RHPN2: variants seen among roughly 807,000 people sequenced by gnomAD.
RHPN2 encodes the protein rhophilin Rho GTPase binding protein 2.
Under a neutral mutation model 79.0 loss-of-function variants are expected in RHPN2, and 40 were observed. The ratio of observed to expected loss-of-function variants is 0.51; its 90% CI spans 0.39 to 0.66. The LOEUF (loss-of-function observed/expected upper bound fraction) is 0.66. Among genes scored for constraint, RHPN2 ranks in the 30% least tolerant of loss-of-function variants. The pLI is 0.00. For missense variants in RHPN2, 686 were observed against 883.5 expected (o/e 0.78, Z 2.83); for synonymous variants, 285 against 363.5 (o/e 0.78, Z 2.46).
rs74917489 is a variant in RHPN2 at position 33,044,399 on chromosome 19, G to A, written c.70-35C>T. 1.7e-3 allele frequency: 2,432 copies of A among 1,404,386 alleles called. 25 individuals are homozygous for A. In the East Asian group the frequency reaches 0.027, roughly 16 times the overall value. The allele number at this position is 1,404,386 out of a possible 1,614,324, so 87.0% of individuals were successfully genotyped here. Reference sequence around the variant, plus strand: ...AATAAGAGATGCCCCTTCAGAGGTCGGCCACTCTAAAAATGATGACAGGGT... The same window carrying A: ...AATAAGAGATGCCCCTTCAGAGGTCAGCCACTCTAAAAATGATGACAGGGT... On this transcript the variant is annotated intron_variant, in intron 1 of 14. Transcript: ENST00000254260.
At chr19:33,036,293 G>T (rs555629639) in intron 2 of RHPN2, among the ~76,000 whole-genome samples, 14 of 151,668 alleles carry the variant, frequency 9.2e-5, no homozygotes, top group African/African-American at 2.7e-4. Flanking sequence ...GAGGCCAGGA[G>T]TTCAACACCA....
At chr19:32,992,683 C>T (rs10412540) in intron 12 of RHPN2, among the ~76,000 whole-genome samples, 17,954 of 151,900 alleles carry the variant, frequency 0.12, 1,822 homozygotes, top group African/African-American at 0.28. Flanking sequence ...TGGTGGTGCA[C>T]GCCAATGCTC....
At chr19:33,018,227 G>A (rs150134398) in intron 4 of RHPN2, among the ~76,000 whole-genome samples, 1,835 of 152,178 alleles carry the variant, frequency 0.012, 24 homozygotes, top group Middle Eastern at 0.037. Context: ...TACTCAGGAG[G>A]CTGAGGAAGG....
intron 2 of RHPN2, among the ~76,000 whole-genome samples, chr19:33,035,243 A>G (rs1972047104): frequency 6.6e-6 from 1 of 152,076 alleles, no homozygotes; most frequent in South Asian, 2.1e-4. Context: ...CTGGGATTAC[A>G]GGCGTGAGCC....
chr19:33,042,060 G>A (rs1323738811), intron 2 of RHPN2, among the ~76,000 whole-genome samples: 1 of 152,022 alleles, frequency 6.6e-6, no homozygotes, highest in Non-Finnish European at 1.5e-5. Flanking sequence ...GTGCTGGCAC[G>A]TGCCTGTAGT....
chr19:33,022,427 C>T (rs1432775166), intron 3 of RHPN2, among the ~76,000 whole-genome samples: 3 of 152,138 alleles, frequency 2.0e-5, no homozygotes, highest in Non-Finnish European at 4.4e-5. Flanking sequence ...TCTCCAATAC[C>T]CTCACATTTG....
chr19:33,034,473 G>A (rs1309679265), intron 2 of RHPN2, among the ~76,000 whole-genome samples: 5 of 151,964 alleles, frequency 3.3e-5, no homozygotes, highest in African/African-American at 9.7e-5. Context: ...GTGTGTGGTG[G>A]TGGGCGCCTA....
At position 33,044,331 on chromosome 19, in the gene RHPN2, T is replaced by G. The variant is rs1972124867; in HGVS notation, c.103A>C (p.Lys35Gln). 2 of 1,614,042 alleles carry G rather than the reference T, an allele frequency of 1.2e-6. No individual in the cohort carries two copies. Among genetic ancestry groups the G allele is most frequent in the Non-Finnish European group, 1.7e-6 (2 of 1,180,032 alleles). Residue 35 changes from lysine to glutamine, a missense_variant, in exon 2 of 15, where the codon AAA becomes CAA. Transcript: ENST00000254260. ...AAAGCAGCTCTTTGATTCTGCAATT[T>G]ACTCCGGCCGGTTTGTGCAAGGGGA... The part of the protein sequence containing the change: ...CNPLAQTGRS[K>Q]LQNQRAALNQ...
At chr19:33,016,419 G>C (rs1002681809) in intron 4 of RHPN2, among the ~76,000 whole-genome samples, 1 of 152,096 alleles carries the variant, frequency 6.6e-6, no homozygotes, top group Non-Finnish European at 1.5e-5. Context: ...TGTGGCTCAC[G>C]CCTGTAATCC....
At chr19:33,045,050 C>CTTTTTT in intron 1 of RHPN2, among the ~76,000 whole-genome samples, 1 of 127,304 alleles carries the variant, frequency 7.9e-6, no homozygotes. Flanking sequence ...TGAGTATCTA[C>CTTTTTT]TTTTTTTTTT....
intron 1 of RHPN2, among the ~76,000 whole-genome samples, chr19:33,047,943 A>G (rs1303896003): frequency 6.6e-6 from 1 of 152,042 alleles, no homozygotes; most frequent in African/African-American, 2.4e-5. Context: ...TTAAATAATA[A>G]TAAAAATAAA....
chr19:32,983,162 AACAC>A (rs56696945), intron 14 of RHPN2, among the ~76,000 whole-genome samples: 2,964 of 130,826 alleles, frequency 0.023, 60 homozygotes, highest in African/African-American at 0.039. Context: ...CACACACACA[AACAC>A]ACACACACAC....
At chr19:33,010,385 G>GTTT (rs34076809) in intron 6 of RHPN2, among the ~76,000 whole-genome samples, 7 of 140,580 alleles carry the variant, frequency 5.0e-5, no homozygotes, top group Middle Eastern at 3.3e-3. Flanking sequence ...TTTTTAGGTT[G>GTTT]TTTTTTTTTT....
intron 1 of RHPN2, among the ~76,000 whole-genome samples, chr19:33,046,518 TG>T (rs1259137017): frequency 6.6e-6 from 1 of 152,058 alleles, no homozygotes; most frequent in Non-Finnish European, 1.5e-5. Context: ...CCGCTTGGCT[TG>T]GCTTCCCAAT....
At chr19:33,029,943 G>C (rs1417538735) in intron 2 of RHPN2, among the ~76,000 whole-genome samples, 1 of 152,208 alleles carries the variant, frequency 6.6e-6, no homozygotes, top group African/African-American at 2.4e-5. Flanking sequence ...GGGAAGCTCA[G>C]AGACTCCGTG....
In RHPN2 at chr19:33,009,293, A is replaced by AT. The variant is rs1037442163; in HGVS notation, c.594-1114dup. Reference sequence around the variant, plus strand: ...GATGTGTCAGGTAAGTTCTTCAATTATAAAAAAAAAAAATGGGCTGGGAGC... The same window carrying AT: ...GATGTGTCAGGTAAGTTCTTCAATTATTAAAAAAAAAAAATGGGCTGGGAGC... On this transcript the variant is annotated intron_variant, in intron 6 of 14. Coordinates refer to ENST00000254260, the MANE Select transcript of RHPN2 (RefSeq NM_033103.5). Among the ~76,000 whole-genome samples the AT allele has an allele frequency of 2.9e-5, 4 of 139,536 alleles. No homozygotes were observed. In the East Asian group the frequency reaches 5.9e-4, roughly 20 times the overall value. 91.5% of individuals were successfully genotyped at this position (139,536 alleles called of 152,430 possible).
chr19:32,992,598 C>T (rs1247784658), intron 12 of RHPN2, among the ~76,000 whole-genome samples: 1 of 152,090 alleles, frequency 6.6e-6, no homozygotes, highest in East Asian at 1.9e-4. Flanking sequence ...CGCTCGAGGC[C>T]AGGGGTTTGA....
chr19:33,000,964 A>T (rs1166799022), intron 9 of RHPN2, among the ~76,000 whole-genome samples: 1 of 151,260 alleles, frequency 6.6e-6, no homozygotes, highest in Non-Finnish European at 1.5e-5. Context: ...TAGTACTAGG[A>T]GTGGCGGCTC....
At chr19:33,056,781 C>T (rs148890997) in intron 1 of RHPN2, among the ~76,000 whole-genome samples, 1,625 of 152,052 alleles carry the variant, frequency 0.011, 34 homozygotes, top group African/African-American at 0.037. Context: ...GCCTGTAATC[C>T]GAGCACTGTG....
Sources: allele counts gnomAD v4.1 joint callset (sites outside exome capture counted in the v4.1 genomes callset), GRCh38; gene constraint gnomAD v4.1.1; transcripts MANE v1.5; gene names NCBI Gene and HGNC (gene_info 2026-07-23, HGNC 2026-07-21).